TMEM87A: variants seen among roughly 807,000 people sequenced by gnomAD.
The protein encoded by TMEM87A is transmembrane protein 87A, also known as Golgi-pH regulating cation channel.
TMEM87A carries 50 observed loss-of-function variants against 90.0 expected under a neutral mutation model. The observed-to-expected ratio is 0.56, with a 90% CI of 0.44 to 0.70. The LOEUF (loss-of-function observed/expected upper bound fraction) is 0.70. Ranked by LOEUF, TMEM87A falls within the 30% of genes least tolerant of loss-of-function variation. The pLI, the probability that TMEM87A is intolerant of heterozygous loss-of-function variation, is 0.00. For missense variants in TMEM87A, 577 were observed against 660.5 expected, an observed-to-expected ratio of 0.87 and a Z score of 1.39; for synonymous variants, 226 against 226.7, an observed-to-expected ratio of 1.00 and a Z score of 0.03.
intron 6 of TMEM87A, among the ~76,000 whole-genome samples, chr15:42,255,165 C>T (rs565601024): frequency 2.0e-5 from 3 of 151,934 alleles, no homozygotes; most frequent in Admixed American, 2.0e-4. Context: ...CGGAGTTTTG[C>T]TCTTGTCGCC....
At chr15:42,241,113 T>C (rs1190259323) in intron 7 of TMEM87A, among the ~76,000 whole-genome samples, 1 of 152,236 alleles carries the variant, frequency 6.6e-6, no homozygotes, top group Non-Finnish European at 1.5e-5. Flanking sequence ...ATTTACTACC[T>C]GACTCTTTAA....
At chr15:42,225,682 C>T (rs1400613581) in intron 15 of TMEM87A, among the ~76,000 whole-genome samples, 1 of 152,116 alleles carries the variant, frequency 6.6e-6, no homozygotes, top group Non-Finnish European at 1.5e-5. Flanking sequence ...GAGGTGTGCA[C>T]TGCCATGCTC....
chr15:42,233,529 T>A (rs1236040046), intron 10 of TMEM87A, among the ~76,000 whole-genome samples: 1 of 152,148 alleles, frequency 6.6e-6, no homozygotes, highest in African/African-American at 2.4e-5. Context: ...TTTTAAAAAA[T>A]GTTTCCTCAG....
At chr15:42,215,350 A>T (rs1438351954) in intron 19 of TMEM87A, among the ~76,000 whole-genome samples, 2 of 151,812 alleles carry the variant, frequency 1.3e-5, no homozygotes, top group Non-Finnish European at 2.9e-5. Context: ...AAATGCAAAA[A>T]ATTTGCCGGG....
chr15:42,270,348 C>A (rs1365857018), intron 2 of TMEM87A, among the ~76,000 whole-genome samples: 2 of 151,858 alleles, frequency 1.3e-5, no homozygotes, highest in South Asian at 2.1e-4. Flanking sequence ...CCAGCCTGGG[C>A]GTCACAGCAA....
At chr15:42,273,539 C>A (rs1033931920), upstream of TMEM87A, 6 of 1,411,270 alleles carry the variant, frequency 4.3e-6, no homozygotes, top group African/African-American at 4.3e-5. Context: ...CGTAGCGGCC[C>A]CTCTCTCAGA....
At chr15:42,261,374 G>GTTTGGCCAATATGGTTAC in intron 4 of TMEM87A, 125 bp from the exon 5 acceptor site, 1 of 649,754 alleles carries the variant, frequency 1.5e-6, no homozygotes, top group Non-Finnish European at 2.4e-6. Flanking sequence ...TAATAACACA[G>GTTTGGCCAATATGGTTAC]CATCAGTAGA....
chr15:42,246,610 A>G (rs2050977731), intron 6 of TMEM87A, among the ~76,000 whole-genome samples: 1 of 152,186 alleles, frequency 6.6e-6, no homozygotes, highest in African/African-American at 2.4e-5. Context: ...ATGTCCCTAC[A>G]AAGGACATGA....
chr15:42,222,149 C>T (rs545601487), intron 15 of TMEM87A, among the ~76,000 whole-genome samples: 8 of 152,328 alleles, frequency 5.3e-5, no homozygotes, highest in African/African-American at 1.4e-4. Context: ...CAACCTCCCC[C>T]TCCTGGGGTT....
intron 16 of TMEM87A, 46 bp downstream of exon 16, chr15:42,220,016 A>G: frequency 6.7e-7 from 1 of 1,486,286 alleles, no homozygotes; most frequent in African/African-American, 1.4e-5. Context: ...GTACTTACAG[A>G]AAAATAATAT....
At chr15:42,264,881 T>C (rs924832329) in intron 3 of TMEM87A, among the ~76,000 whole-genome samples, 1 of 151,914 alleles carries the variant, frequency 6.6e-6, no homozygotes, top group East Asian at 1.9e-4. Flanking sequence ...GTAGGCCCAG[T>C]GTCTGCCGTT....
chr15:42,259,213 T>A, intron 6 of TMEM87A, among the ~76,000 whole-genome samples: 1 of 150,498 alleles, frequency 6.6e-6, no homozygotes, highest in Non-Finnish European at 1.5e-5. Flanking sequence ...GCCTCCACCT[T>A]CTGGGTTCAA....
intron 6 of TMEM87A, chr15:42,258,924 G>C (rs2051233689): frequency 1.1e-5 from 14 of 1,251,740 alleles, no homozygotes; most frequent in Non-Finnish European, 1.5e-5. Flanking sequence ...TCAACTTTTG[G>C]AACTTTGGAA....
chr15:42,227,874 C>G, intron 13 of TMEM87A, 105 bp from the exon 14 acceptor site: 1 of 877,002 alleles, frequency 1.1e-6, no homozygotes, highest in Non-Finnish European at 1.9e-6. Flanking sequence ...CCCGAACCCC[C>G]AAATACATCA....
intron 12 of TMEM87A, among the ~76,000 whole-genome samples, chr15:42,229,551 G>C (rs2050652125): frequency 6.6e-6 from 1 of 151,852 alleles, no homozygotes; most frequent in Non-Finnish European, 1.5e-5. Context: ...GTTCTCATCT[G>C]TCCAGCAAAT....
intron 19 of TMEM87A, among the ~76,000 whole-genome samples, chr15:42,216,039 A>G (rs1335378610): frequency 1.3e-5 from 2 of 152,214 alleles, no homozygotes; most frequent in African/African-American, 2.4e-5. Context: ...TATACAATGG[A>G]ACACTTGTCA....
intron 7 of TMEM87A, among the ~76,000 whole-genome samples, chr15:42,239,969 G>C (rs917980345): frequency 1.3e-5 from 2 of 152,100 alleles, no homozygotes; most frequent in African/African-American, 4.8e-5. Flanking sequence ...TCTGAAGTGG[G>C]AAGGCTCTTT....
chr15:42,217,661 ATTC>A (rs2140912173), intron 19 of TMEM87A, 139 bp downstream of exon 19: 1 of 709,004 alleles, frequency 1.4e-6, no homozygotes, highest in Admixed American at 3.2e-5. Context: ...TAGTATTTCT[ATTC>A]TTATCCTTTT....
chr15:42,224,965 C>T (rs903537955), intron 15 of TMEM87A, among the ~76,000 whole-genome samples: 1 of 152,088 alleles, frequency 6.6e-6, no homozygotes, highest in Non-Finnish European at 1.5e-5. Flanking sequence ...TATTTAAATA[C>T]AAATATAGCT....
Sources: allele counts gnomAD v4.1 joint callset (sites outside exome capture counted in the v4.1 genomes callset), GRCh38; gene constraint gnomAD v4.1.1; transcripts MANE v1.5; gene names NCBI Gene and HGNC (gene_info 2026-07-23, HGNC 2026-07-21).